The following COP1 variants were observed in gnomAD, a reference collection of about 807,000 sequenced individuals.
COP1 encodes the protein E3 ubiquitin-protein ligase COP1.
COP1 carries 24 observed loss-of-function variants against 101.3 expected under a neutral mutation model. That is an observed-to-expected ratio of 0.24 (90% CI 0.17 to 0.33). The LOEUF (loss-of-function observed/expected upper bound fraction) is 0.33. Ranked by LOEUF, COP1 falls within the 10% of genes least tolerant of loss-of-function variation. COP1 has a pLI of 1.00. For synonymous variants in COP1, 347 were observed against 341.9 expected (o/e 1.01, Z -0.17); for missense variants, 663 against 906.2 (o/e 0.73, Z 3.45).
chr1:176,070,952 C>G (rs573547918), intron 11 of COP1, among the ~76,000 whole-genome samples: 40 of 152,288 alleles, frequency 2.6e-4, no homozygotes, highest in African/African-American at 8.2e-4. Context: ...CATGTGCAAC[C>G]ACTCCTGCTT....
chr1:176,075,988 C>T (rs549727011), intron 11 of COP1, among the ~76,000 whole-genome samples: 66 of 114,654 alleles, frequency 5.8e-4, no homozygotes, highest in Admixed American at 1.1e-3. Context: ...GGGTAACAAG[C>T]GCAAAACTCC....
chr1:176,110,089 C>G (rs184820127), intron 9 of COP1, among the ~76,000 whole-genome samples: 1 of 152,228 alleles, frequency 6.6e-6, no homozygotes, highest in Non-Finnish European at 1.5e-5. Context: ...GCCTGTCTGT[C>G]TCTATCTGTT....
intron 11 of COP1, among the ~76,000 whole-genome samples, chr1:176,056,497 T>C (rs1045001091): frequency 6.6e-6 from 1 of 152,146 alleles, no homozygotes; most frequent in African/African-American, 2.4e-5. Flanking sequence ...TGAACTTTGA[T>C]CATTATAATG....
chr1:176,177,877 G>A (rs986756358), intron 2 of COP1, among the ~76,000 whole-genome samples: 10 of 152,150 alleles, frequency 6.6e-5, no homozygotes, highest in African/African-American at 2.4e-4. Flanking sequence ...TTCAAGATAA[G>A]TAAAAAGGAG....
intron 1 of COP1, among the ~76,000 whole-genome samples, chr1:176,192,918 C>A (rs77423753): frequency 2.6e-4 from 39 of 152,232 alleles, no homozygotes; most frequent in Non-Finnish European, 4.6e-4. Flanking sequence ...TTTTATTTCA[C>A]AACTACAGTG....
chr1:176,030,692 TAAAG>T (rs1442130438), intron 14 of COP1, among the ~76,000 whole-genome samples: 1 of 152,060 alleles, frequency 6.6e-6, no homozygotes, highest in Non-Finnish European at 1.5e-5. Context: ...AGATTAAAAA[TAAAG>T]ATACACTAAA....
intron 11 of COP1, among the ~76,000 whole-genome samples, chr1:176,058,328 G>A (rs901101815): frequency 6.6e-6 from 1 of 152,314 alleles, no homozygotes; most frequent in East Asian, 1.9e-4. Flanking sequence ...AATAGAAAAG[G>A]GGGAAAGGTG....
At chr1:176,109,195 C>T (rs7532425) in intron 9 of COP1, among the ~76,000 whole-genome samples, 5,434 of 152,136 alleles carry the variant, frequency 0.036, 127 homozygotes, top group East Asian at 0.071. Context: ...ATTATGACGC[C>T]TTTCTCAATT....
intron 1 of COP1, among the ~76,000 whole-genome samples, chr1:176,187,929 T>C (rs1698676641): frequency 6.6e-6 from 1 of 151,920 alleles, no homozygotes; most frequent in African/African-American, 2.4e-5. Flanking sequence ...CTTTGGGAGA[T>C]TTTTAGGTCA....
At chr1:176,013,727 T>C (rs1665099016) in intron 15 of COP1, among the ~76,000 whole-genome samples, 3 of 152,248 alleles carry the variant, frequency 2.0e-5, no homozygotes, top group Admixed American at 2.0e-4. Context: ...GGACCTTTTA[T>C]AGCTGGTATA....
chr1:176,193,441 T>C (rs554299544), intron 1 of COP1, among the ~76,000 whole-genome samples: 2 of 131,686 alleles, frequency 1.5e-5, no homozygotes, highest in African/African-American at 5.2e-5. Flanking sequence ...ACTAGAAACA[T>C]GTGTTAAAAC....
At chr1:176,129,559 T>C (rs189459152) in intron 8 of COP1, among the ~76,000 whole-genome samples, 1 of 152,016 alleles carries the variant, frequency 6.6e-6, no homozygotes, top group Admixed American at 6.5e-5. Flanking sequence ...TTGTACTACA[T>C]TTATTTACTA....
intron 14 of COP1, among the ~76,000 whole-genome samples, chr1:176,035,247 T>C (rs1017361560): frequency 6.6e-6 from 1 of 151,172 alleles, no homozygotes; most frequent in South Asian, 2.1e-4. Flanking sequence ...AGAGAATATA[T>C]AGAAACTATT....
chr1:176,139,574 T>C lies in COP1; in HGVS notation c.832-3027A>G, dbSNP rs140843117. 2.2e-3 allele frequency among the ~76,000 whole-genome samples: 336 copies of C among 152,234 alleles called. 1 individual carries two copies. The highest frequency in any genetic ancestry group is 7.7e-3 in the African/African-American group (319 of 41,558). On this transcript the variant is annotated intron_variant, in intron 6 of 19. Coordinates refer to ENST00000367669, the MANE Select transcript of COP1 (RefSeq NM_022457.7). The stretch of plus-strand genomic sequence containing the variant: ...ATTCATCAATGCCCATCATTGCCCA[T>C]CAACGGTGGACTCAATAAAGATGTG...
At chr1:176,057,792 G>A (rs1482420058) in intron 11 of COP1, among the ~76,000 whole-genome samples, 10 of 151,984 alleles carry the variant, frequency 6.6e-5, no homozygotes, top group African/African-American at 2.2e-4. Context: ...CTGCCTGGCC[G>A]CCCATCGTCT....
intron 18 of COP1, among the ~76,000 whole-genome samples, chr1:175,986,399 A>G (rs1050498021): frequency 1.3e-5 from 2 of 152,222 alleles, no homozygotes; most frequent in African/African-American, 4.8e-5. Context: ...ACTCCACTTT[A>G]TAAAACCCAG....
chr1:176,035,530 ATATTATATAT>A (rs2149120396), intron 14 of COP1, among the ~76,000 whole-genome samples: 1 of 152,168 alleles, frequency 6.6e-6, no homozygotes, highest in African/African-American at 2.4e-5. Context: ...AGGGATAGTG[ATATTATATAT>A]TAACAAATGA....
chr1:176,111,655 G>C (rs1183041169), intron 9 of COP1, among the ~76,000 whole-genome samples: 1 of 151,894 alleles, frequency 6.6e-6, no homozygotes, highest in African/African-American at 2.4e-5. Context: ...ATGATACTAA[G>C]TTTTACTACT....
intron 5 of COP1, among the ~76,000 whole-genome samples, chr1:176,151,417 G>GAA (rs1455760757): frequency 4.2e-5 from 6 of 142,722 alleles, no homozygotes; most frequent in African/African-American, 7.7e-5. Context: ...AAGAAAGAAA[G>GAA]AAACATATTT....
Sources: gnomAD v4.1 joint callset for allele counts (sites outside exome capture counted in the v4.1 genomes callset) on GRCh38, gnomAD v4.1.1 for gene constraint, MANE v1.5 for transcripts, NCBI Gene and HGNC (gene_info 2026-07-23, HGNC 2026-07-21) for gene names.